The following DECR1 variants were observed in gnomAD, a reference collection of about 807,000 sequenced individuals.
DECR1 encodes the protein 2,4-dienoyl-CoA reductase [(3E)-enoyl-CoA-producing], mitochondrial.
A neutral mutation model predicts 38.8 loss-of-function variants in DECR1; 44 were observed. The observed-to-expected ratio is 1.13, with a 90% confidence interval of 0.89 to 1.46. DECR1 has a LOEUF of 1.46. Ranked by LOEUF, DECR1 falls within the 40% of genes most tolerant of loss-of-function variation. The probability of loss-of-function intolerance (pLI) is 0.00; values close to 1 mark genes in which losing one functional copy is unlikely to be tolerated. For synonymous variants in DECR1, 148 were observed against 135.2 expected (o/e 1.09, Z -0.66); for missense variants, 428 against 405.5 (o/e 1.06, Z -0.48).
intron 1 of DECR1, among the ~76,000 whole-genome samples, chr8:90,014,671 A>G (rs1390822453): frequency 1.3e-5 from 2 of 152,242 alleles, no homozygotes; most frequent in African/African-American, 4.8e-5. Context: ...GAAAGTTTGT[A>G]TGCAAATATC....
intron 1 of DECR1, chr8:90,006,271 G>C: frequency 1.4e-6 from 1 of 704,124 alleles, no homozygotes; most frequent in African/African-American, 1.7e-5. Flanking sequence ...TCCTGCTCAT[G>C]GGGGAGGTAT....
intron 4 of DECR1, among the ~76,000 whole-genome samples, chr8:90,019,603 G>A (rs1182794615): frequency 6.6e-6 from 1 of 152,214 alleles, no homozygotes; most frequent in East Asian, 1.9e-4. Flanking sequence ...CATTGCCATG[G>A]CAATGGTAAA....
Position 90,051,753 on chromosome 8 carries a change from G to A in DECR1, c.948+14G>A. 1 of 1,613,046 alleles carries A rather than the reference G, an allele frequency of 6.2e-7. No individual in the cohort carries two copies. The highest frequency in any genetic ancestry group is 1.1e-5 in the South Asian group (1 of 91,020). On this transcript the variant is annotated intron_variant, in intron 9 of 9. Coordinates refer to ENST00000220764, the MANE Select transcript of DECR1 (RefSeq NM_001359.2). Reference sequence around the variant, plus strand: ...GACCTGAGAAAGGTAATGCTTTTGTGTGTATAATGTAATATCAGCAGCTAG... The same window carrying A: ...GACCTGAGAAAGGTAATGCTTTTGTATGTATAATGTAATATCAGCAGCTAG...
Position 90,045,291 on chromosome 8 carries a change from C to T in DECR1, c.885+296C>T, listed in dbSNP as rs913040279. Among the ~76,000 whole-genome samples, 67 of 152,090 alleles carry T rather than the reference C, an allele frequency of 4.4e-4. No homozygotes were observed. In the East Asian group the frequency reaches 0.012, roughly 28 times the overall value. On this transcript the variant is annotated intron_variant, in intron 8 of 9. Coordinates refer to ENST00000220764, the MANE Select transcript of DECR1 (RefSeq NM_001359.2). ...TTCCCTTTCCTAGCCAAGGGAAGCC[C>T]TGACAGATGGTACCTGGAAAATCAG... is the stretch of plus-strand genomic sequence containing the variant.
intron 5 of DECR1, among the ~76,000 whole-genome samples, chr8:90,033,762 T>A (rs1185472516): frequency 6.6e-6 from 1 of 152,210 alleles, no homozygotes; most frequent in Non-Finnish European, 1.5e-5. Context: ...TTTCAGCATC[T>A]AAATTGTAGT....
Position 90,050,261 on chromosome 8 carries a change from T to C in DECR1, c.886-1416T>C, listed in dbSNP as rs577929511. Among the ~76,000 whole-genome samples, 3 of 152,134 alleles carry C rather than the reference T, an allele frequency of 2.0e-5. No individual in the cohort carries two copies. The South Asian group carries it at 6.2e-4, about 32-fold the overall frequency. ...AGGCAACCTACAGAATGGGAGAAAA[T>C]GTTTACAATCTACCCATCTGACAAA... is the stretch of plus-strand genomic sequence containing the variant. On this transcript the variant is annotated intron_variant, in intron 8 of 9. Coordinates refer to ENST00000220764, the MANE Select transcript of DECR1 (RefSeq NM_001359.2).
chr8:90,006,728 A>G (rs948241496), intron 1 of DECR1, among the ~76,000 whole-genome samples: 2 of 152,196 alleles, frequency 1.3e-5, no homozygotes, highest in East Asian at 1.9e-4. Context: ...GTGAGCAGAA[A>G]TACGATATCA....
At chr8:90,022,288 TC>T (rs1276929706) in intron 5 of DECR1, among the ~76,000 whole-genome samples, 1 of 152,104 alleles carries the variant, frequency 6.6e-6, no homozygotes, top group East Asian at 1.9e-4. Flanking sequence ...GCGCAGGTGA[TC>T]CTAGAACCAG....
intron 5 of DECR1, among the ~76,000 whole-genome samples, chr8:90,024,261 A>T (rs1199004526): frequency 3.3e-5 from 5 of 152,104 alleles, no homozygotes; most frequent in African/African-American, 7.2e-5. Flanking sequence ...TCAAATGGTA[A>T]TTCTAGTTCT....
rs1331918834 is a variant in DECR1, at chr8:90,052,258, C to T, written c.*361C>T. On this transcript the variant is annotated 3_prime_UTR_variant, in exon 10 of 10. Transcript: ENST00000220764. ...CATTTGAGTTACATAATATACTATACCTATATTAATAGGGCCTAAAAGAAA... is the reference window on the plus strand; with the variant it reads ...CATTTGAGTTACATAATATACTATATCTATATTAATAGGGCCTAAAAGAAA... 6.6e-6 allele frequency among the ~76,000 whole-genome samples: 1 copy of T among 151,978 alleles called. No individual in the cohort carries two copies. The highest frequency in any genetic ancestry group is 1.5e-5 in the Non-Finnish European group (1 of 67,988).
chr8:90,045,605 G>T (rs774074367), intron 8 of DECR1, among the ~76,000 whole-genome samples: 41 of 152,290 alleles, frequency 2.7e-4, no homozygotes, highest in Non-Finnish European at 5.1e-4. Context: ...CACCTCTAGG[G>T]GCAGGACATA....
At chr8:90,038,716 T>C (rs957121486) in intron 6 of DECR1, among the ~76,000 whole-genome samples, 36 of 152,172 alleles carry the variant, frequency 2.4e-4, no homozygotes, top group African/African-American at 8.0e-4. Context: ...GTCTGGTCCG[T>C]AGCTGGTGCT....
chr8:90,053,143 G>A lies in DECR1; in HGVS notation c.*1246G>A, dbSNP rs558827104. Among the ~76,000 whole-genome samples the A allele has an allele frequency of 1.3e-5, 2 of 151,890 alleles. No individual in the cohort carries two copies. The highest frequency in any genetic ancestry group is 2.1e-4 in the South Asian group (1 of 4,798). On this transcript the variant is annotated 3_prime_UTR_variant, in exon 10 of 10. Coordinates refer to ENST00000220764, the MANE Select transcript of DECR1 (RefSeq NM_001359.2). ...CAATACAATACTCTCAAAATAAAAC[G>A]CAGACAGGTACCTAGTCTCCATTTT...
intron 6 of DECR1, among the ~76,000 whole-genome samples, chr8:90,039,560 G>C (rs1406043638): frequency 6.6e-6 from 1 of 152,138 alleles, no homozygotes; most frequent in Non-Finnish European, 1.5e-5. Flanking sequence ...AGTGAGATTT[G>C]GGTGGGGACA....
intron 4 of DECR1, among the ~76,000 whole-genome samples, chr8:90,019,736 C>G (rs1813104186): frequency 6.6e-6 from 1 of 152,270 alleles, no homozygotes; most frequent in Non-Finnish European, 1.5e-5. Flanking sequence ...CTCCTCCTAC[C>G]TCAATATGAG....
chr8:90,053,070 T>G lies in DECR1; in HGVS notation c.*1173T>G, dbSNP rs1181957551. On this transcript the variant is annotated 3_prime_UTR_variant, in exon 10 of 10. Transcript: ENST00000220764. ...CCCAACATTTCCAATTATACTGACT[T>G]TCACTGGGCTTTTTTTTAGGCTGTT... Among the ~76,000 whole-genome samples, 1 of 152,196 alleles carries G rather than the reference T, an allele frequency of 6.6e-6. No individual in the cohort carries two copies. Among genetic ancestry groups the G allele is most frequent in the Non-Finnish European group, 1.5e-5 (1 of 68,034 alleles).
chr8:90,011,054 T>A (rs1355690387), intron 1 of DECR1, among the ~76,000 whole-genome samples: 2 of 152,330 alleles, frequency 1.3e-5, no homozygotes, highest in Admixed American at 1.3e-4. Flanking sequence ...AATAGGTTCT[T>A]GTGGATACTT....
rs993917115 is a variant in DECR1, at chr8:90,022,734, A to G, written c.565+1678A>G. Among the ~76,000 whole-genome samples the G allele has an allele frequency of 6.3e-4, 95 of 150,810 alleles. 2 individuals are homozygous for G. The highest frequency in any genetic ancestry group is 5.5e-3 in the Admixed American group (83 of 15,146). ...TTTTTGGTTCTCTGTTTCTCTCTTC[A>G]TCTGTCTCTTTCGTTTCTTTGTCCT... On this transcript the variant is annotated intron_variant, in intron 5 of 9. Transcript: ENST00000220764.
chr8:90,008,264 C>T (rs1244394860), intron 1 of DECR1, among the ~76,000 whole-genome samples: 2 of 152,208 alleles, frequency 1.3e-5, no homozygotes, highest in African/African-American at 2.4e-5. Context: ...AACTCAGTTA[C>T]CTTCCACAGC....
Sources: gnomAD v4.1 joint callset for allele counts (sites outside exome capture counted in the v4.1 genomes callset) on GRCh38, gnomAD v4.1.1 for gene constraint, MANE v1.5 for transcripts, NCBI Gene and HGNC (gene_info 2026-07-23, HGNC 2026-07-21) for gene names.